Variants in CNN1 observed in about 807,000 individuals in gnomAD.
CNN1 encodes calponin 1, also known as calponin-1.
A neutral mutation model predicts 35.3 loss-of-function variants in CNN1; 21 were observed. That is an observed-to-expected ratio of 0.60 (90% CI 0.42 to 0.86). The LOEUF (loss-of-function observed/expected upper bound fraction) is 0.86, where lower values mean the gene tolerates loss of function less well. CNN1 is among the 40% of genes least tolerant of loss of function. The probability of loss-of-function intolerance (pLI) is 0.00; values close to 1 mark genes in which losing one functional copy is unlikely to be tolerated. For synonymous variants in CNN1, 164 were observed against 161.8 expected (o/e 1.01, Z -0.10); for missense variants, 314 against 400.8 (o/e 0.78, Z 1.85).
At chr19:11,540,888 C>G (rs1336188163) in intron 1 of CNN1, among the ~76,000 whole-genome samples, 188 bp from the exon 2 acceptor site, 1 of 152,236 alleles carries the variant, frequency 6.6e-6, no homozygotes, top group Non-Finnish European at 1.5e-5. Context: ...CAGGTGCCAC[C>G]TCAGCCCTGG....
At position 11,549,564 on chromosome 19, in the gene CNN1, G is replaced by T. The variant is rs909420752; in HGVS notation, c.663G>T (p.Ala221=). ...NKGASQAGMT[A]PGTKRQIFEP... ...ACCCTTCGCAGGCTGGCATGACTGC[G>T]CCAGGGACCAAGCGGCAGATCTTCG... The change falls in exon 7 of 7, where the codon GCG becomes GCT. Residue 221 remains alanine, a synonymous_variant. Coordinates refer to ENST00000252456, the MANE Select transcript of CNN1 (RefSeq NM_001299.6). The surrounding 1 kb of genome is among the most constrained non-coding windows in gnomAD (Gnocchi z 5.2). 3 of 1,599,120 alleles carry T rather than the reference G, an allele frequency of 1.9e-6. No individual in the cohort carries two copies. The highest frequency in any genetic ancestry group is 2.6e-6 in the Non-Finnish European group (3 of 1,169,320).
At chr19:11,546,782 C>T (rs1279849963) in intron 3 of CNN1, 41 bp downstream of exon 3, 2 of 1,613,698 alleles carry the variant, frequency 1.2e-6, no homozygotes, top group African/African-American at 1.3e-5. Context: ...GCCCGCAAGC[C>T]CCTCAGACCT....
Position 11,549,907 on chromosome 19 carries a change from T to C in CNN1, c.*112T>C. 1 of 1,448,234 alleles carries C rather than the reference T, an allele frequency of 6.9e-7. No homozygotes were observed. The highest frequency in any genetic ancestry group is 9.3e-7 in the Non-Finnish European group (1 of 1,071,340). The allele number at this position is 1,448,234 out of a possible 1,614,324, so 89.7% of individuals were successfully genotyped here. On this transcript the variant is annotated 3_prime_UTR_variant, in exon 7 of 7. Coordinates refer to ENST00000252456, the MANE Select transcript of CNN1 (RefSeq NM_001299.6). This position sits in a 1 kb window ranked among gnomAD's most constrained non-coding sequence, Gnocchi z 5.2. ...CCTGCATGGCATCCTCCAGCCCCTG[T>C]AGAACTCAACCTCTACAGGGTTAGA...
chr19:11,546,054 T>C (rs1214203903), intron 2 of CNN1, among the ~76,000 whole-genome samples: 2 of 152,080 alleles, frequency 1.3e-5, no homozygotes, highest in African/African-American at 4.8e-5. Context: ...GGCTTCCTGC[T>C]GTCTACAAGA....
rs761181545 is a variant in CNN1 at position 11,547,699 on chromosome 19, C to T, written c.391-98C>T. 124 of 936,904 alleles carry T rather than the reference C, an allele frequency of 1.3e-4. 1 individual carries two copies. Among genetic ancestry groups the T allele is most frequent in the Middle Eastern group, 5.3e-4 (2 of 3,764 alleles). 58.0% of individuals were successfully genotyped at this position (936,904 alleles called of 1,614,324 possible). On this transcript the variant is annotated intron_variant, in intron 4 of 6. Coordinates refer to ENST00000252456, the MANE Select transcript of CNN1 (RefSeq NM_001299.6). Reference sequence around the variant, plus strand: ...CTGCACTCCAGCCTGGGCAACAGAGCGAGACTCTGTGTCAACAACAACAAA... The same window carrying T: ...CTGCACTCCAGCCTGGGCAACAGAGTGAGACTCTGTGTCAACAACAACAAA...
chr19:11,543,885 G>A (rs1972521501), intron 2 of CNN1, among the ~76,000 whole-genome samples: 1 of 151,242 alleles, frequency 6.6e-6, no homozygotes, highest in South Asian at 2.1e-4. Flanking sequence ...TGCACATAGT[G>A]CACATGTACC....
intron 5 of CNN1, 113 bp downstream of exon 5, chr19:11,548,020 T>C: frequency 1.4e-6 from 1 of 715,306 alleles, no homozygotes; most frequent in African/African-American, 1.8e-5. Flanking sequence ...GGCCGGGTAC[T>C]GTGCTTATGC....
chr19:11,549,637 C>T lies in CNN1; in HGVS notation c.736C>T (p.Gln246Ter). ...EHCDTLNVSLQMGSNKGASQR... is the reference protein window; with the variant it reads ...EHCDTLNVSL ...CTGCGACACGCTCAATGTCAGCCTG[C>T]AGATGGGCAGCAACAAGGGCGCCTC... is the stretch of plus-strand genomic sequence containing the variant. The change falls in exon 7 of 7, where the codon CAG becomes TAG. Residue 246 changes from glutamine to a stop codon, truncating the protein, a stop_gained. Transcript: ENST00000252456. LOFTEE classifies it high-confidence loss of function. This position sits in a 1 kb window ranked among gnomAD's most constrained non-coding sequence, Gnocchi z 5.2. 1 of 1,613,510 alleles carries T rather than the reference C, an allele frequency of 6.2e-7. No homozygotes were observed. The highest frequency in any genetic ancestry group is 8.5e-7 in the Non-Finnish European group (1 of 1,179,640).
At chr19:11,546,343 CTTTT>C (rs1261796219) in intron 2 of CNN1, among the ~76,000 whole-genome samples, 1 of 139,704 alleles carries the variant, frequency 7.2e-6, no homozygotes, top group South Asian at 2.3e-4. Flanking sequence ...ACCTTTCTTT[CTTTT>C]TTTTTTTTTT....
At chr19:11,543,029 G>A (rs939081656) in intron 2 of CNN1, among the ~76,000 whole-genome samples, 1 of 152,162 alleles carries the variant, frequency 6.6e-6, no homozygotes, top group Non-Finnish European at 1.5e-5. Context: ...AGGGGTGTGG[G>A]GGGTGTTTAC....
At chr19:11,539,688 G>A (rs1335704489) in intron 1 of CNN1, 1 of 690,706 alleles carries the variant, frequency 1.4e-6, no homozygotes, top group South Asian at 1.4e-5. Context: ...TGCCGAGGGA[G>A]GAGTTCCTGC....
intron 1 of CNN1, chr19:11,539,310 AT>A: frequency 8.9e-7 from 1 of 1,123,064 alleles, no homozygotes; most frequent in Non-Finnish European, 1.1e-6. Context: ...AGACTTGTTG[AT>A]TTTTCCATAT....
chr19:11,539,951 A>G lies in CNN1; in HGVS notation c.63+961A>G. On this transcript the variant is annotated intron_variant, in intron 1 of 6. Coordinates refer to ENST00000252456, the MANE Select transcript of CNN1 (RefSeq NM_001299.6). ...AAGGCGGCCTCGGGGAGCCCGGGCC[A>G]CGCTATATAAGGGCCGGTTTGCTTT... 2.7e-6 allele frequency: 3 copies of G among 1,114,198 alleles called. No individual in the cohort carries two copies. The South Asian group carries it at 5.6e-5, about 21-fold the overall frequency. 69.0% of individuals were successfully genotyped at this position (1,114,198 alleles called of 1,614,324 possible). A position where few individuals can be genotyped will look rare whatever the true frequency, so the allele number is the denominator to read the frequency against.
intron 2 of CNN1, among the ~76,000 whole-genome samples, chr19:11,544,670 T>G (rs1030684689): frequency 2.0e-5 from 3 of 148,070 alleles, no homozygotes; most frequent in East Asian, 2.0e-4. Flanking sequence ...GGGTTTTTTT[T>G]TTTTTTTTTT....
rs138581507 is a variant in CNN1, at chr19:11,549,894, C to T, written c.*99C>T. On this transcript the variant is annotated 3_prime_UTR_variant, in exon 7 of 7. Transcript: ENST00000252456. The surrounding 1 kb of genome is among the most constrained non-coding windows in gnomAD (Gnocchi z 5.2). ...CCGACCCCCTCTCCCTGCATGGCAT[C>T]CTCCAGCCCCTGTAGAACTCAACCT... is the stretch of plus-strand genomic sequence containing the variant. The T allele has an allele frequency of 1.7e-3, 2,551 of 1,478,918 alleles. 3 individuals are homozygous for T. The highest frequency in any genetic ancestry group is 2.2e-3 in the Non-Finnish European group (2,390 of 1,094,962). The allele number at this position is 1,478,918 out of a possible 1,614,324, so 91.6% of individuals were successfully genotyped here.
At position 11,546,704 on chromosome 19, in the gene CNN1, TGAA is replaced by T. The variant is rs1315949707; in HGVS notation, c.221_223del (p.Lys74del). The stretch of plus-strand genomic sequence containing the variant: ...ATCAATAAGCTGCAGCCAGGCTCCG[TGAA>T]GAAGATCAATGAGTCAACCCAAAAT... On this transcript the variant is annotated inframe_deletion, in exon 3 of 7. Transcript: ENST00000252456. 1.5e-5 allele frequency: 24 copies of T among 1,614,006 alleles called. No individual in the cohort carries two copies. The highest frequency in any genetic ancestry group is 6.7e-5 in the East Asian group (3 of 44,888).
At chr19:11,548,310 C>T (rs911894490) in intron 5 of CNN1, among the ~76,000 whole-genome samples, 3 of 152,114 alleles carry the variant, frequency 2.0e-5, no homozygotes, top group African/African-American at 4.8e-5. Flanking sequence ...GAGGCTGAGG[C>T]AGGAGGATTG....
At chr19:11,547,670 G>A (rs1438996898) in intron 4 of CNN1, 127 bp from the exon 5 acceptor site, 6 of 647,224 alleles carry the variant, frequency 9.3e-6, no homozygotes, top group Non-Finnish European at 1.6e-5. Context: ...CTGAGATCAC[G>A]CCACTGCACT....
In CNN1 at chr19:11,549,871, G is replaced by A. The variant is rs902471036; in HGVS notation, c.*76G>A. On this transcript the variant is annotated 3_prime_UTR_variant, in exon 7 of 7. Coordinates refer to ENST00000252456, the MANE Select transcript of CNN1 (RefSeq NM_001299.6). The surrounding 1 kb of genome is among the most constrained non-coding windows in gnomAD (Gnocchi z 5.2). ...TGGCTGGACCCAGCCAGGCCCAGCC[G>A]ACCCCCTCTCCCTGCATGGCATCCT... The A allele has an allele frequency of 1.3e-6, 2 of 1,531,464 alleles. No homozygotes were observed. The highest frequency in any genetic ancestry group is 1.8e-6 in the Non-Finnish European group (2 of 1,133,314). The allele number at this position is 1,531,464 out of a possible 1,614,324, so 94.9% of individuals were successfully genotyped here. A position where few individuals can be genotyped will look rare whatever the true frequency, so the allele number is the denominator to read the frequency against.
Sources: gnomAD v4.1 joint callset for allele counts (sites outside exome capture counted in the v4.1 genomes callset) on GRCh38, gnomAD v4.1.1 for gene constraint, Gnocchi (gnomAD v3.1) non-coding constraint, MANE v1.5 for transcripts, NCBI Gene and HGNC (gene_info 2026-07-23, HGNC 2026-07-21) for gene names.